The following EPN3 variants were observed in gnomAD, a reference collection of about 807,000 sequenced individuals.
EPN3 encodes epsin 3.
A neutral mutation model predicts 55.5 loss-of-function variants in EPN3; 56 were observed. That is an observed-to-expected ratio of 1.01 (90% CI 0.81 to 1.26). The LOEUF (loss-of-function observed/expected upper bound fraction) is 1.26, where lower values mean the gene tolerates loss of function less well. Among genes scored for constraint, EPN3 ranks in the 50% most tolerant of loss-of-function variants. The pLI is 0.00. For synonymous variants in EPN3, 449 were observed against 375.2 expected, an observed-to-expected ratio of 1.20 and a Z score of -2.27; for missense variants, 927 against 853.4, an observed-to-expected ratio of 1.09 and a Z score of -1.07.
At chr17:50,534,454 C>T (rs554531272) in intron 1 of EPN3, 9 of 985,536 alleles carry the variant, frequency 9.1e-6, no homozygotes, top group South Asian at 4.7e-5. Context: ...AGCGGCCAGC[C>T]GGTAGGGGCG....
At chr17:50,539,396 G>T in intron 5 of EPN3, 81 bp downstream of exon 5, 1 of 1,589,770 alleles carries the variant, frequency 6.3e-7, no homozygotes. Context: ...GCAGAGCAGT[G>T]CCTGGCATAT....
intron 7 of EPN3, 50 bp downstream of exon 7, chr17:50,541,112 C>T: frequency 1.3e-6 from 2 of 1,572,696 alleles, no homozygotes; most frequent in Non-Finnish European, 1.7e-6. Flanking sequence ...GACTTCCAGG[C>T]AGGGCCAAGG....
At chr17:50,534,520 G>A in intron 1 of EPN3, 1 of 985,506 alleles carries the variant, frequency 1.0e-6, no homozygotes, top group South Asian at 4.7e-5. Flanking sequence ...GCCACCCCCA[G>A]CCACGGGTTG....
rs1365278431 is a variant in EPN3, at chr17:50,537,121, G to A, written c.562+3G>A. 1.9e-6 allele frequency: 3 copies of A among 1,587,950 alleles called. No homozygotes were observed. In the East Asian group the frequency reaches 6.8e-5, roughly 36 times the overall value. On this transcript the variant is annotated splice_donor_region_variant and intron_variant, in intron 2 of 9. Transcript: ENST00000268933. ...GGGCTCCCCGTCCTCCTACAACTGT[G>A]AGTAAGCCCCGGTGTGTGGCTGGGA...
At position 50,541,957 on chromosome 17, in the gene EPN3, G is replaced by A. The variant is rs769329197; in HGVS notation, c.1699G>A (p.Gly567Arg). ...PALGLAGGPV[G>R]APLGSMTYSA... ...GCTGGGCCTGGCAGGCGGGCCTGTG[G>A]GGGCGCCCCTGGGCTCCATGACCTA... Residue 567 changes from glycine (G) to arginine (R), a missense_variant, in exon 10 of 10, where the codon GGG becomes AGG. Gly to Arg is a moderately radical substitution (Grantham distance 125, BLOSUM62 -2). Transcript: ENST00000268933. The A allele has an allele frequency of 1.3e-6, 2 of 1,596,346 alleles. No individual in the cohort carries two copies. Among genetic ancestry groups the A allele is most frequent in the South Asian group, 2.2e-5 (2 of 90,696 alleles).
rs768376663 is a variant in EPN3 at position 50,541,215 on chromosome 17, C to A, written c.1250-14C>A. 1.9e-6 allele frequency: 3 copies of A among 1,613,574 alleles called. No individual in the cohort carries two copies. In the Admixed American group the frequency reaches 5.0e-5, roughly 27 times the overall value. ...TTTTGTCAACCCATCTCCTCTTCCT[C>A]TCTCTCTTCCGAGGTGGTGCCTCGA... On this transcript the variant is annotated splice_polypyrimidine_tract_variant and intron_variant, in intron 7 of 9. Coordinates refer to ENST00000268933, the MANE Select transcript of EPN3 (RefSeq NM_017957.3).
At chr17:50,533,761 G>A (rs746017069) in intron 1 of EPN3, among the ~76,000 whole-genome samples, 26 of 151,946 alleles carry the variant, frequency 1.7e-4, no homozygotes, top group Non-Finnish European at 2.6e-4. Flanking sequence ...CCATCCCACC[G>A]CCTGCTGGCC....
intron 1 of EPN3, chr17:50,534,497 C>T (rs1222760775): frequency 1.0e-6 from 1 of 985,494 alleles, no homozygotes; most frequent in African/African-American, 1.7e-5. Context: ...ACATTATTTC[C>T]CATCTTGACT....
Position 50,542,260 on chromosome 17 carries a change from G to A in EPN3, c.*103G>A. On this transcript the variant is annotated 3_prime_UTR_variant, in exon 10 of 10. Transcript: ENST00000268933. Reference sequence around the variant, plus strand: ...GGCGCCGGTGCTAGTGGAACGCCGAGCCAGTGGCGGCTGGTATCCCGCGGC... The same window carrying A: ...GGCGCCGGTGCTAGTGGAACGCCGAACCAGTGGCGGCTGGTATCCCGCGGC... 1 of 1,251,552 alleles carries A rather than the reference G, an allele frequency of 8.0e-7. No homozygotes were observed. Among genetic ancestry groups the A allele is most frequent in the African/African-American group, 1.6e-5 (1 of 62,740 alleles). 77.5% of individuals were successfully genotyped at this position (1,251,552 alleles called of 1,614,324 possible). A position where few individuals can be genotyped will look rare whatever the true frequency, so the allele number is the denominator to read the frequency against.
rs1337657020 is a variant in EPN3, at chr17:50,537,320, GATTC to G, written c.562+206_562+209del. On this transcript the variant is annotated intron_variant, in intron 2 of 9. Coordinates refer to ENST00000268933, the MANE Select transcript of EPN3 (RefSeq NM_017957.3). ...TAGCTCAGATAATAACGTTGTTATA[GATTC>G]ATTATCATTCGTTAGCTGCCTGATA... is the stretch of plus-strand genomic sequence containing the variant. 3 of 604,982 alleles carry G rather than the reference GATTC, an allele frequency of 5.0e-6. No homozygotes were observed. In the African/African-American group the frequency reaches 5.5e-5, roughly 11 times the overall value. 37.5% of individuals were successfully genotyped at this position (604,982 alleles called of 1,614,324 possible).
chr17:50,536,845 C>T lies in EPN3; in HGVS notation c.289C>T (p.Arg97Cys), dbSNP rs200779711. 9.4e-5 allele frequency: 152 copies of T among 1,614,078 alleles called. No homozygotes were observed. The Admixed American group carries it at 1.4e-3, about 15-fold the overall frequency. The change falls in exon 2 of 10, where the codon CGC becomes TGC. Residue 97 changes from arginine to cysteine, a missense_variant. By Grantham distance (180) the Arg-to-Cys change is radical (BLOSUM62 -3). Coordinates refer to ENST00000268933, the MANE Select transcript of EPN3 (RefSeq NM_017957.3). ...TGSERVAHQC[R>C]ENLYTIQTLK... is the part of the protein sequence containing the mutation. ...CTCCGAGCGGGTGGCCCACCAGTGC[C>T]GCGAGAACCTCTACACCATCCAGAC... is the stretch of plus-strand genomic sequence containing the variant.
chr17:50,541,741 G>A (rs564613594), intron 9 of EPN3, 47 bp downstream of exon 9: 4 of 1,609,914 alleles, frequency 2.5e-6, no homozygotes, highest in South Asian at 1.1e-5. Flanking sequence ...TGCTTTCAGA[G>A]CCTAGCCTCC....
intron 1 of EPN3, among the ~76,000 whole-genome samples, chr17:50,534,815 G>A (rs1311575788): frequency 6.6e-5 from 10 of 152,186 alleles, no homozygotes; most frequent in Non-Finnish European, 1.3e-4. Flanking sequence ...GCGTGGAATC[G>A]GGTGCGAGAG....
chr17:50,538,018 C>A, intron 2 of EPN3, 61 bp from the exon 3 acceptor site: 2 of 1,357,424 alleles, frequency 1.5e-6, no homozygotes, highest in Non-Finnish European at 2.1e-6. Context: ...TCCTGGCAGG[C>A]AGAGGGGTGT....
chr17:50,538,220 C>T (rs373068153), intron 3 of EPN3, 23 bp downstream of exon 3: 39 of 1,583,110 alleles, frequency 2.5e-5, no homozygotes, highest in Admixed American at 8.4e-5. Context: ...AGCCCCACTG[C>T]GGTGGGGAGG....
chr17:50,538,799 C>T, intron 3 of EPN3, 85 bp from the exon 4 acceptor site: 1 of 1,024,790 alleles, frequency 9.8e-7, no homozygotes. Flanking sequence ...GTGTCTCCAT[C>T]CCCATGACCC....
rs749340775 is a variant in EPN3 at position 50,540,831 on chromosome 17, G to A, written c.1018G>A (p.Gly340Arg). The change falls in exon 7 of 10, where the codon GGG (glycine) becomes AGG (arginine). Residue 340 changes from glycine to arginine, a missense_variant. By Grantham distance (125) the Gly-to-Arg change is moderately radical. Coordinates refer to ENST00000268933, the MANE Select transcript of EPN3 (RefSeq NM_017957.3). ...PNTEASGSSW[G>R]PSADPWSPIP... ...CACAGAGGCCAGTGGATCCTCCTGG[G>A]GGCCTTCTGCAGACCCCTGGTCTCC... 11 of 1,613,814 alleles carry A rather than the reference G, an allele frequency of 6.8e-6. No individual in the cohort carries two copies. Among genetic ancestry groups the A allele is most frequent in the Non-Finnish European group, 8.5e-6 (10 of 1,179,828 alleles).
intron 3 of EPN3, 170 bp from the exon 4 acceptor site, chr17:50,538,714 G>A (rs1182428215): frequency 1.9e-6 from 1 of 516,068 alleles, no homozygotes; most frequent in East Asian, 3.1e-5. Flanking sequence ...CATTTCAGAT[G>A]CAGGCAGGGA....
intron 8 of EPN3, 28 bp from the exon 9 acceptor site, chr17:50,541,436 C>T (rs1365849248): frequency 6.2e-7 from 1 of 1,611,524 alleles, no homozygotes; most frequent in Non-Finnish European, 8.5e-7. Context: ...CCTTTCCCCA[C>T]CAATTAGCTC....
Sources: allele counts gnomAD v4.1 joint callset (sites outside exome capture counted in the v4.1 genomes callset), GRCh38; gene constraint gnomAD v4.1.1; transcripts MANE v1.5; gene names NCBI Gene and HGNC (gene_info 2026-07-23, HGNC 2026-07-21).